Variants in KLHL1 observed in about 807,000 individuals in gnomAD.
KLHL1 encodes the protein kelch like family member 1.
Under a neutral mutation model 77.7 loss-of-function variants are expected in KLHL1, and 47 were observed. The ratio of observed to expected loss-of-function variants is 0.60; its 90% CI spans 0.48 to 0.77. KLHL1 has a LOEUF of 0.77. KLHL1 is among the 30% of genes least tolerant of loss of function. The pLI is 0.00. For missense variants in KLHL1, 925 were observed against 910.8 expected, an observed-to-expected ratio of 1.02 and a Z score of -0.20; for synonymous variants, 360 against 325.2, an observed-to-expected ratio of 1.11 and a Z score of -1.15.
intron 6 of KLHL1, among the ~76,000 whole-genome samples, chr13:69,814,495 A>G (rs577436695): frequency 2.0e-5 from 3 of 152,314 alleles, no homozygotes; most frequent in Non-Finnish European, 2.9e-5. Flanking sequence ...TTTGCAAACT[A>G]TGCCTCTGAC....
intron 6 of KLHL1, among the ~76,000 whole-genome samples, chr13:69,804,055 C>G (rs886643856): frequency 6.6e-6 from 1 of 152,114 alleles, no homozygotes; most frequent in African/African-American, 2.4e-5. Flanking sequence ...TTTGTTACAG[C>G]AGCAGTACAG....
chr13:70,068,709 A>G (rs1393173334), intron 1 of KLHL1, among the ~76,000 whole-genome samples: 1 of 152,254 alleles, frequency 6.6e-6, no homozygotes, highest in Admixed American at 6.5e-5. Context: ...ATGTTAGTTT[A>G]GTAATAAATT....
rs866978749 is a variant in KLHL1 at position 69,908,927 on chromosome 13, A to T, written c.1015-26432T>A. Among the ~76,000 whole-genome samples, 4 of 150,042 alleles carry T rather than the reference A, an allele frequency of 2.7e-5. No homozygotes were observed. In the Middle Eastern group the frequency reaches 0.015, roughly 556 times the overall value. On this transcript the variant is annotated intron_variant, in intron 4 of 10. Transcript: ENST00000377844. ...TTTCCATATATATTTTAAATATTCTATAATACTAATTTACTAGGTATAATA... is the reference window on the plus strand; with the variant it reads ...TTTCCATATATATTTTAAATATTCTTTAATACTAATTTACTAGGTATAATA...
At position 69,719,390 on chromosome 13, in the gene KLHL1, C is replaced by T. The variant is rs140589724; in HGVS notation, c.1994G>A (p.Arg665Gln). 127 of 1,613,306 alleles carry T rather than the reference C, an allele frequency of 7.9e-5. No homozygotes were observed. The highest frequency in any genetic ancestry group is 9.7e-5 in the Non-Finnish European group (115 of 1,179,612). ...HDAPASNHCS[R>Q]LLDYVERYDP... ...TTACCTTTCTACATAATCCAGTAGC[C>T]GGGAACAGTGATTTGAAGCAGGAGC... The change falls in exon 9 of 11, where the codon CGG (arginine) becomes CAG (glutamine). Residue 665 changes from arginine to glutamine, a missense_variant. By Grantham distance (43) the Arg-to-Gln change is conservative. Transcript: ENST00000377844.
intron 7 of KLHL1, among the ~76,000 whole-genome samples, chr13:69,789,090 T>C (rs1876727962): frequency 6.6e-6 from 1 of 152,068 alleles, no homozygotes; most frequent in South Asian, 2.1e-4. Context: ...TATCCATCTG[T>C]CTATACCTAT....
At chr13:69,929,758 G>A (rs1176964094) in intron 4 of KLHL1, among the ~76,000 whole-genome samples, 2 of 151,764 alleles carry the variant, frequency 1.3e-5, no homozygotes, top group East Asian at 1.9e-4. Flanking sequence ...AACAGCAATG[G>A]CCACAAAACT....
intron 3 of KLHL1, among the ~76,000 whole-genome samples, chr13:69,946,619 C>T (rs1180934740): frequency 6.6e-6 from 1 of 152,002 alleles, no homozygotes; most frequent in Non-Finnish European, 1.5e-5. Flanking sequence ...CTCAAGTTAT[C>T]CTCTTGCCTC....
rs371211762 is a variant in KLHL1, at chr13:70,086,610, G to A, written c.497+20593C>T. Among the ~76,000 whole-genome samples the A allele has an allele frequency of 2.7e-3, 176 of 64,530 alleles. 11 individuals are homozygous for A. The highest frequency in any genetic ancestry group is 7.9e-3 in the Middle Eastern group (1 of 126). 42.3% of individuals were successfully genotyped at this position (64,530 alleles called of 152,430 possible). ...AAAAAAAAAGAAAGAAAGAAAGAAA[G>A]AAAGAAAGAAAGAAAGAAAGAAAAA... On this transcript the variant is annotated intron_variant, in intron 1 of 10. Transcript: ENST00000377844.
chr13:69,797,847 C>A (rs1041197071), intron 6 of KLHL1, among the ~76,000 whole-genome samples: 58 of 143,326 alleles, frequency 4.0e-4, no homozygotes, highest in Admixed American at 4.0e-3. Context: ...AAAAAAAAAT[C>A]TGGGGAATAG....
intron 1 of KLHL1, among the ~76,000 whole-genome samples, chr13:70,050,375 G>T (rs933251792): frequency 7.3e-5 from 11 of 151,178 alleles, no homozygotes; most frequent in African/African-American, 2.7e-4. Flanking sequence ...TAAGGTTTAA[G>T]ATTATAAAAT....
At chr13:69,731,393 A>G (rs888818485) in intron 8 of KLHL1, among the ~76,000 whole-genome samples, 1 of 152,164 alleles carries the variant, frequency 6.6e-6, no homozygotes, top group Non-Finnish European at 1.5e-5. Flanking sequence ...TCAGAAGGTA[A>G]TGGAAGAACA....
At chr13:69,702,475 A>T (rs963093624) in intron 10 of KLHL1, among the ~76,000 whole-genome samples, 1 of 151,738 alleles carries the variant, frequency 6.6e-6, no homozygotes, top group Non-Finnish European at 1.5e-5. Flanking sequence ...TTTTTATTAC[A>T]GTTTTCTAAG....
chr13:69,976,514 T>C lies in KLHL1; in HGVS notation c.498-712A>G, dbSNP rs191054148. On this transcript the variant is annotated intron_variant, in intron 1 of 10. Transcript: ENST00000377844. Reference sequence around the variant, plus strand: ...AAAAAAATAACTTTAATAAGTGCTATACTCCATCATAGGGAAGACTGTTAA... The same window carrying C: ...AAAAAAATAACTTTAATAAGTGCTACACTCCATCATAGGGAAGACTGTTAA... 6.2e-3 allele frequency among the ~76,000 whole-genome samples: 939 copies of C among 152,230 alleles called. 7 individuals carry two copies. The highest frequency in any genetic ancestry group is 0.02 in the Middle Eastern group (6 of 294).
intron 9 of KLHL1, among the ~76,000 whole-genome samples, chr13:69,708,338 G>A (rs1195657899): frequency 1.3e-5 from 2 of 152,002 alleles, no homozygotes; most frequent in Admixed American, 1.3e-4. Flanking sequence ...GGTCCGCTTT[G>A]AGGAAACAGT....
intron 1 of KLHL1, among the ~76,000 whole-genome samples, chr13:69,978,158 C>A (rs1593644177): frequency 6.6e-6 from 1 of 152,030 alleles, no homozygotes; most frequent in South Asian, 2.1e-4. Context: ...AATTCTTCCA[C>A]CTGTTAACGC....
At chr13:70,075,502 AATAT>A (rs1190056231) in intron 1 of KLHL1, among the ~76,000 whole-genome samples, 2 of 146,508 alleles carry the variant, frequency 1.4e-5, no homozygotes, top group African/African-American at 5.0e-5. Flanking sequence ...AATAACAATT[AATAT>A]ATATATAATT....
At chr13:69,890,882 A>C (rs61965689) in intron 4 of KLHL1, among the ~76,000 whole-genome samples, 1 of 152,076 alleles carries the variant, frequency 6.6e-6, no homozygotes, top group Non-Finnish European at 1.5e-5. Flanking sequence ...GCTTCTTTGC[A>C]TACATTTTAA....
chr13:69,786,361 T>C (rs1394569658), intron 7 of KLHL1, among the ~76,000 whole-genome samples: 1 of 152,148 alleles, frequency 6.6e-6, no homozygotes, highest in Non-Finnish European at 1.5e-5. Flanking sequence ...TATACGTGAA[T>C]CAATAAATGT....
chr13:69,989,107 T>C (rs1384069235), intron 1 of KLHL1, among the ~76,000 whole-genome samples: 1 of 152,106 alleles, frequency 6.6e-6, no homozygotes, highest in South Asian at 2.1e-4. Context: ...TACATTTAAG[T>C]CTATAATCTG....
Sources: allele counts gnomAD v4.1 joint callset (sites outside exome capture counted in the v4.1 genomes callset), GRCh38; gene constraint gnomAD v4.1.1; transcripts MANE v1.5; gene names NCBI Gene and HGNC (gene_info 2026-07-23, HGNC 2026-07-21).